Variants in MATCAP2 observed in about 807,000 individuals in gnomAD.
MATCAP2 encodes the protein putative tyrosine carboxypeptidase MATCAP2.
chr7:36,363,649 C>T, the MATCAP2 span, among the ~76,000 whole-genome samples: 1 of 152,168 alleles, frequency 6.6e-6, no homozygotes, highest in Non-Finnish European at 1.5e-5. Context: ...ACAACATGGA[C>T]TTTGGAATGG....
the MATCAP2 span, chr7:36,357,538 T>G: frequency 1.2e-6 from 2 of 1,614,150 alleles, no homozygotes; most frequent in Non-Finnish European, 1.7e-6. Context: ...ATGAATCTTC[T>G]GCATTTAGAA....
At chr7:36,329,723 G>A in the MATCAP2 span, among the ~76,000 whole-genome samples, 1 of 152,206 alleles carries the variant, frequency 6.6e-6, no homozygotes, top group South Asian at 2.1e-4. Flanking sequence ...TTTGGGAAAA[G>A]ATCATCAAGG....
the MATCAP2 span, chr7:36,366,655 C>T: frequency 1.3e-6 from 2 of 1,524,370 alleles, no homozygotes; most frequent in East Asian, 5.0e-5. Flanking sequence ...GACCAGCAAC[C>T]GGTCTAATAT....
the MATCAP2 span, among the ~76,000 whole-genome samples, chr7:36,379,847 C>CACACAGAGAG: frequency 1.9e-4 from 20 of 107,698 alleles, no homozygotes; most frequent in African/African-American, 6.1e-4. Flanking sequence ...CACACACACA[C>CACACAGAGAG]AGAGAGAGAG....
the MATCAP2 span, among the ~76,000 whole-genome samples, chr7:36,362,554 A>G: frequency 3.0e-4 from 45 of 152,326 alleles, no homozygotes; most frequent in South Asian, 6.2e-4. Flanking sequence ...TGCCAGAAAC[A>G]AACTTTCCCA....
chr7:36,371,439 A>G, the MATCAP2 span, among the ~76,000 whole-genome samples: 12 of 152,184 alleles, frequency 7.9e-5, no homozygotes, highest in Non-Finnish European at 1.0e-4. Context: ...TTAACTACTC[A>G]TGTTAATCTC....
At chr7:36,375,198 C>G in the MATCAP2 span, among the ~76,000 whole-genome samples, 1 of 152,262 alleles carries the variant, frequency 6.6e-6, no homozygotes, top group Non-Finnish European at 1.5e-5. Flanking sequence ...CCCTCCAGCA[C>G]CTGTTGTTTC....
chr7:36,364,654 A>C, the MATCAP2 span, among the ~76,000 whole-genome samples: 1 of 152,178 alleles, frequency 6.6e-6, no homozygotes, highest in South Asian at 2.1e-4. Flanking sequence ...GCTAACCAGA[A>C]AGAAGAACAT....
At chr7:36,363,451 A>C in the MATCAP2 span, among the ~76,000 whole-genome samples, 914 of 152,356 alleles carry the variant, frequency 6.0e-3, 9 homozygotes, top group African/African-American at 0.021. Flanking sequence ...ATTTTTATTC[A>C]AGTGAAATAT....
the MATCAP2 span, chr7:36,326,966 CATTTTAAGGATGA>C: frequency 2.0e-6 from 3 of 1,520,388 alleles, no homozygotes; most frequent in Non-Finnish European, 1.8e-6. Flanking sequence ...CTACAATGTA[CATTTTAAGGATGA>C]ATTTCTTCCC....
the MATCAP2 span, among the ~76,000 whole-genome samples, chr7:36,361,708 T>C: frequency 6.6e-6 from 1 of 152,010 alleles, no homozygotes; most frequent in Non-Finnish European, 1.5e-5. Context: ...CTAGACAACA[T>C]AGCAAAACTC....
the MATCAP2 span, among the ~76,000 whole-genome samples, chr7:36,367,424 A>G: frequency 9.4e-3 from 2 of 212 alleles, no homozygotes; most frequent in Admixed American, 0.045. Flanking sequence ...GTCTCCAGCC[A>G]GTGGGTAACG....
the MATCAP2 span, among the ~76,000 whole-genome samples, chr7:36,381,882 C>T: frequency 2.0e-4 from 31 of 152,020 alleles, no homozygotes; most frequent in East Asian, 5.6e-3. Flanking sequence ...ATAAATGAAC[C>T]CTGGGTCTGG....
chr7:36,361,279 G>A, the MATCAP2 span, among the ~76,000 whole-genome samples: 1 of 152,150 alleles, frequency 6.6e-6, no homozygotes, highest in Non-Finnish European at 1.5e-5. Flanking sequence ...AAAGAATGGG[G>A]GAAAAGGGAG....
At chr7:36,349,855 A>C in the MATCAP2 span, among the ~76,000 whole-genome samples, 2 of 152,188 alleles carry the variant, frequency 1.3e-5, no homozygotes, top group Non-Finnish European at 2.9e-5. Context: ...AGGACATATA[A>C]TCTGATGGGG....
chr7:36,368,054 AC>A, the MATCAP2 span: 5 of 123,914 alleles, frequency 4.0e-5, no homozygotes, highest in East Asian at 8.0e-4. Flanking sequence ...ACAAAGTGAG[AC>A]TAAAAAAAAA....
chr7:36,383,224 A>G, the MATCAP2 span, among the ~76,000 whole-genome samples: 1 of 152,254 alleles, frequency 6.6e-6, no homozygotes, highest in Non-Finnish European at 1.5e-5. Flanking sequence ...AATAACATAT[A>G]GATAACATCC....
the MATCAP2 span, among the ~76,000 whole-genome samples, chr7:36,364,174 C>T: frequency 7.3e-5 from 11 of 151,452 alleles, no homozygotes; most frequent in African/African-American, 2.2e-4. Flanking sequence ...CAACCTCTGC[C>T]GCCTGGGCGC....
the MATCAP2 span, chr7:36,383,843 C>A: frequency 6.4e-7 from 1 of 1,554,288 alleles, no homozygotes; most frequent in Non-Finnish European, 8.8e-7. Context: ...AAGAAGTGGC[C>A]CTTCAGCCAA....
Sources: allele counts gnomAD v4.1 joint callset (sites outside exome capture counted in the v4.1 genomes callset), GRCh38; gene constraint gnomAD v4.1.1; transcripts MANE v1.5; gene names NCBI Gene and HGNC (gene_info 2026-07-23, HGNC 2026-07-21).